HPSE2: variants seen among roughly 807,000 people sequenced by gnomAD.
HPSE2 encodes inactive heparanase-2.
In HPSE2, 38 loss-of-function variants were observed where a neutral mutation model predicts 60.5. That is an observed-to-expected ratio of 0.63 (90% CI 0.48 to 0.82). The LOEUF (loss-of-function observed/expected upper bound fraction) is 0.82, where lower values mean the gene tolerates loss of function less well. Ranked by LOEUF, HPSE2 falls within the 40% of genes least tolerant of loss-of-function variation. The probability of loss-of-function intolerance (pLI) is 0.00; values close to 1 mark genes in which losing one functional copy is unlikely to be tolerated. For missense variants in HPSE2, 713 were observed against 740.4 expected, an observed-to-expected ratio of 0.96 and a Z score of 0.43; for synonymous variants, 295 against 293.2, an observed-to-expected ratio of 1.01 and a Z score of -0.06.
At chr10:98,802,655 A>G (rs1489334396) in intron 3 of HPSE2, among the ~76,000 whole-genome samples, 1 of 151,844 alleles carries the variant, frequency 6.6e-6, no homozygotes, top group Non-Finnish European at 1.5e-5. Flanking sequence ...TGCACTCATC[A>G]TATTTTATGG....
chr10:98,948,114 G>C lies in HPSE2; in HGVS notation c.610+196124C>G, dbSNP rs187054842. On this transcript the variant is annotated intron_variant, in intron 3 of 11. Transcript: ENST00000370552. ...AGAGCCCTAATAGAGAGAACATCAT[G>C]AAAGTCTGGAAGGATTACAACATTG... 3.3e-5 allele frequency among the ~76,000 whole-genome samples: 5 copies of C among 152,280 alleles called. No homozygotes were observed. In the East Asian group the frequency reaches 9.7e-4, roughly 29 times the overall value.
intron 9 of HPSE2, among the ~76,000 whole-genome samples, chr10:98,565,825 T>C (rs1944326098): frequency 6.7e-6 from 1 of 148,552 alleles, no homozygotes; most frequent in Non-Finnish European, 1.5e-5. Context: ...TATTGTTTTA[T>C]TAAATCTTCA....
At chr10:99,001,605 A>G (rs1956778055) in intron 3 of HPSE2, among the ~76,000 whole-genome samples, 1 of 152,140 alleles carries the variant, frequency 6.6e-6, no homozygotes, top group Non-Finnish European at 1.5e-5. Flanking sequence ...CAAAAAAACT[A>G]CTGACAGAAA....
chr10:99,089,098 G>T (rs1473884510), intron 3 of HPSE2, among the ~76,000 whole-genome samples: 1 of 152,128 alleles, frequency 6.6e-6, no homozygotes, highest in East Asian at 1.9e-4. Context: ...TGGATGTATA[G>T]ATTGCAAAGA....
At chr10:98,999,743 A>G (rs1284065716) in intron 3 of HPSE2, among the ~76,000 whole-genome samples, 1 of 152,190 alleles carries the variant, frequency 6.6e-6, no homozygotes, top group Non-Finnish European at 1.5e-5. Flanking sequence ...CTTGCTTTAA[A>G]GGAAAGATTA....
intron 9 of HPSE2, among the ~76,000 whole-genome samples, chr10:98,523,748 A>C (rs1019471521): frequency 2.0e-5 from 3 of 152,336 alleles, no homozygotes; most frequent in Non-Finnish European, 4.4e-5. Flanking sequence ...ATGTATTTTT[A>C]AATTTCCTTT....
intron 3 of HPSE2, among the ~76,000 whole-genome samples, chr10:98,748,644 G>C (rs7076702): frequency 0.69 from 105,400 of 151,934 alleles, 37,670 homozygotes; most frequent in Non-Finnish European, 0.8. Context: ...AGTGCTGACA[G>C]TTGATGCTGT....
rs532508460 is a variant in HPSE2 at position 98,751,199 on chromosome 10, T to G, written c.611-7143A>C. 2.0e-5 allele frequency among the ~76,000 whole-genome samples: 3 copies of G among 152,294 alleles called. No individual in the cohort carries two copies. The East Asian group carries it at 5.8e-4, about 29-fold the overall frequency. On this transcript the variant is annotated intron_variant, in intron 3 of 11. Coordinates refer to ENST00000370552, the MANE Select transcript of HPSE2 (RefSeq NM_021828.5). ...TTGACAGAGACGATTAACATTTTCT[T>G]CATGTTTTGTAAGCTACTATGCAAA... is the stretch of plus-strand genomic sequence containing the variant.
At chr10:99,039,670 G>A (rs184458673) in intron 3 of HPSE2, among the ~76,000 whole-genome samples, 82 of 151,912 alleles carry the variant, frequency 5.4e-4, no homozygotes, top group East Asian at 3.5e-3. Flanking sequence ...ATTATCTATC[G>A]GTGTAATCAT....
chr10:98,530,762 G>A (rs1943107381), intron 9 of HPSE2, among the ~76,000 whole-genome samples: 1 of 152,176 alleles, frequency 6.6e-6, no homozygotes, highest in South Asian at 2.1e-4. Context: ...TGGAGAGTCA[G>A]ATGTAGGAAA....
the HPSE2 span, among the ~76,000 whole-genome samples, chr10:99,304,826 T>G: frequency 6.6e-6 from 1 of 152,194 alleles, no homozygotes; most frequent in Non-Finnish European, 1.5e-5. Flanking sequence ...AAACTTTTTA[T>G]AGACACATGG....
intron 2 of HPSE2, among the ~76,000 whole-genome samples, chr10:99,166,632 T>C (rs1275218896): frequency 6.6e-6 from 1 of 152,230 alleles, no homozygotes; most frequent in Non-Finnish European, 1.5e-5. Context: ...CACATTTTCA[T>C]ATACTTATTT....
At chr10:99,073,966 CCTT>C (rs1170474004) in intron 3 of HPSE2, among the ~76,000 whole-genome samples, 1 of 113,282 alleles carries the variant, frequency 8.8e-6, no homozygotes, top group Non-Finnish European at 1.8e-5. Context: ...TTGGTGGAAT[CCTT>C]CTAATTTTCT....
intron 9 of HPSE2, among the ~76,000 whole-genome samples, chr10:98,605,403 T>C (rs1223433447): frequency 6.6e-6 from 1 of 152,220 alleles, no homozygotes; most frequent in Non-Finnish European, 1.5e-5. Context: ...ACTAAAACAG[T>C]GCTTTGTTTT....
chr10:98,676,696 G>C (rs1163584239), intron 6 of HPSE2, among the ~76,000 whole-genome samples: 1 of 152,138 alleles, frequency 6.6e-6, no homozygotes. Context: ...GTCACTATGA[G>C]GGGACCCCTA....
intron 2 of HPSE2, among the ~76,000 whole-genome samples, chr10:99,216,020 T>C (rs10786522): frequency 0.49 from 75,070 of 152,054 alleles, 21,715 homozygotes; most frequent in Non-Finnish European, 0.64. Context: ...TCTGATAATG[T>C]TGCTGATATT....
chr10:98,795,902 C>T (rs1011926913), intron 3 of HPSE2, among the ~76,000 whole-genome samples: 4 of 152,194 alleles, frequency 2.6e-5, no homozygotes, highest in African/African-American at 9.7e-5. Context: ...AGCTCACTGA[C>T]ATTTCTAGAC....
intron 2 of HPSE2, among the ~76,000 whole-genome samples, chr10:99,161,186 A>G (rs901226778): frequency 2.0e-5 from 3 of 149,238 alleles, no homozygotes; most frequent in African/African-American, 7.4e-5. Context: ...CCATCACTGC[A>G]CTCCCGCCTC....
intron 5 of HPSE2, among the ~76,000 whole-genome samples, chr10:98,720,806 A>G (rs1948903429): frequency 1.3e-5 from 2 of 152,210 alleles, no homozygotes; most frequent in South Asian, 4.1e-4. Context: ...TGACAATATG[A>G]GAACTATGTA....
Sources: allele counts gnomAD v4.1 joint callset (sites outside exome capture counted in the v4.1 genomes callset), GRCh38; gene constraint gnomAD v4.1.1; transcripts MANE v1.5; gene names NCBI Gene and HGNC (gene_info 2026-07-23, HGNC 2026-07-21).